The following SOX6 variants were observed in gnomAD, a reference collection of about 807,000 sequenced individuals.
The protein encoded by SOX6 is transcription factor SOX-6.
SOX6 carries 11 observed loss-of-function variants against 97.8 expected under a neutral mutation model. That is an observed-to-expected ratio of 0.11 (90% CI 0.07 to 0.19). The LOEUF is 0.19. Ranked by LOEUF, SOX6 falls within the 10% of genes least tolerant of loss-of-function variation. SOX6 has a pLI of 1.00. For missense variants in SOX6, 810 were observed against 1,039.5 expected, an observed-to-expected ratio of 0.78 and a Z score of 3.04; for synonymous variants, 360 against 371.4, an observed-to-expected ratio of 0.97 and a Z score of 0.35.
At chr11:16,542,088 G>T (rs1321586690) in intron 4 of SOX6, among the ~76,000 whole-genome samples, 2 of 152,198 alleles carry the variant, frequency 1.3e-5, no homozygotes, top group Non-Finnish European at 2.9e-5. Context: ...TGATAGACTG[G>T]ATTAAGAAAA....
chr11:15,979,042 C>CATATATATATATATATATATATATAT (rs57062569), intron 15 of SOX6, among the ~76,000 whole-genome samples: 9 of 107,096 alleles, frequency 8.4e-5, no homozygotes, highest in African/African-American at 1.8e-4. Context: ...ATATATTTTA[C>CATATATATATATATATATATATATAT]ATATATATAT....
At chr11:16,703,921 A>G (rs1848112723) in intron 3 of SOX6, among the ~76,000 whole-genome samples, 1 of 152,190 alleles carries the variant, frequency 6.6e-6, no homozygotes, top group African/African-American at 2.4e-5. Context: ...TGTCTTACCA[A>G]TAATACAACT....
chr11:16,333,335 T>G (rs1856366352), intron 2 of SOX6, among the ~76,000 whole-genome samples: 2 of 152,284 alleles, frequency 1.3e-5, no homozygotes, highest in South Asian at 4.1e-4. Flanking sequence ...ATATAAACAT[T>G]ATTTTCTTCA....
intron 4 of SOX6, among the ~76,000 whole-genome samples, chr11:16,558,630 A>T (rs1341800555): frequency 6.6e-6 from 1 of 151,986 alleles, no homozygotes; most frequent in Non-Finnish European, 1.5e-5. Context: ...AAGGAGTTGT[A>T]CTCTAGTAAA....
chr11:16,425,256 T>G (rs985405276), intron 1 of SOX6, among the ~76,000 whole-genome samples: 6 of 152,224 alleles, frequency 3.9e-5, no homozygotes, highest in African/African-American at 1.4e-4. Context: ...TTATGCAAGA[T>G]GTGGTTAAGA....
chr11:16,120,378 T>C (rs1849459013), intron 6 of SOX6, among the ~76,000 whole-genome samples: 2 of 151,850 alleles, frequency 1.3e-5, no homozygotes, highest in African/African-American at 4.8e-5. Context: ...ATGTAATGTC[T>C]TCCCAGGATT....
chr11:16,136,458 T>C (rs1410976133), intron 6 of SOX6, among the ~76,000 whole-genome samples: 82 of 151,288 alleles, frequency 5.4e-4, no homozygotes, highest in Non-Finnish European at 4.4e-5. Context: ...TGGAGTTCAG[T>C]GGTGGAATCA....
chr11:16,484,444 G>T, intron 4 of SOX6: 1 of 796,364 alleles, frequency 1.3e-6, no homozygotes. Context: ...ACAGCTTACT[G>T]ACAATGAAGA....
intron 6 of SOX6, among the ~76,000 whole-genome samples, chr11:16,148,635 GC>G (rs1267757345): frequency 6.6e-6 from 1 of 152,046 alleles, no homozygotes. Flanking sequence ...GCTTAGCTTT[GC>G]CATCTGAGCC....
chr11:16,632,842 G>T (rs1400521139), intron 3 of SOX6, among the ~76,000 whole-genome samples: 1 of 152,244 alleles, frequency 6.6e-6, no homozygotes. Flanking sequence ...TTCTGCACAG[G>T]AGGAGCGGAG....
intron 4 of SOX6, among the ~76,000 whole-genome samples, chr11:16,188,245 A>AG (rs1851535767): frequency 6.6e-6 from 1 of 151,556 alleles, no homozygotes. Context: ...AAAAAAAAAA[A>AG]AGAAAAGCTG....
chr11:16,548,081 C>T (rs959031557), intron 4 of SOX6, among the ~76,000 whole-genome samples: 2 of 152,248 alleles, frequency 1.3e-5, no homozygotes, highest in African/African-American at 2.4e-5. Context: ...ACAGCAGACT[C>T]TTCATTAGAA....
intron 3 of SOX6, among the ~76,000 whole-genome samples, chr11:16,290,664 G>A (rs1854886083): frequency 6.6e-6 from 1 of 152,090 alleles, no homozygotes; most frequent in Admixed American, 6.6e-5. Context: ...CCTTATTGAA[G>A]TGAGGACAAA....
At chr11:16,689,038 C>A (rs113842273) in intron 3 of SOX6, among the ~76,000 whole-genome samples, 2 of 152,070 alleles carry the variant, frequency 1.3e-5, no homozygotes, top group African/African-American at 4.8e-5. Context: ...CTACCTTATG[C>A]CCTTATTAAT....
At chr11:16,221,968 C>A (rs1352725957) in intron 4 of SOX6, among the ~76,000 whole-genome samples, 1 of 152,056 alleles carries the variant, frequency 6.6e-6, no homozygotes, top group Non-Finnish European at 1.5e-5. Context: ...TAAGAAACTG[C>A]CACTTGCCAA....
At chr11:16,436,940 A>C (rs902266938) in intron 1 of SOX6, among the ~76,000 whole-genome samples, 7 of 152,036 alleles carry the variant, frequency 4.6e-5, no homozygotes, top group Non-Finnish European at 8.8e-5. Context: ...AAATCTGGCC[A>C]AAAAATGTAG....
At chr11:16,541,276 A>G (rs962203183) in intron 4 of SOX6, among the ~76,000 whole-genome samples, 2 of 152,336 alleles carry the variant, frequency 1.3e-5, no homozygotes, top group Middle Eastern at 3.4e-3. Context: ...TATATGTAGA[A>G]AGCTGAAACT....
intron 4 of SOX6, among the ~76,000 whole-genome samples, chr11:16,198,843 C>A (rs1851859576): frequency 6.6e-6 from 1 of 152,178 alleles, no homozygotes; most frequent in Admixed American, 6.5e-5. Context: ...AGTTCAAAGC[C>A]TTTGCTGTGA....
intron 3 of SOX6, among the ~76,000 whole-genome samples, chr11:16,626,285 C>G (rs1848622929): frequency 6.6e-6 from 1 of 152,156 alleles, no homozygotes; most frequent in Non-Finnish European, 1.5e-5. Flanking sequence ...ATACAGATAG[C>G]CAGTTGTTCT....
Sources: gnomAD v4.1 joint callset for allele counts (sites outside exome capture counted in the v4.1 genomes callset) on GRCh38, gnomAD v4.1.1 for gene constraint, MANE v1.5 for transcripts, NCBI Gene and HGNC (gene_info 2026-07-23, HGNC 2026-07-21) for gene names.